Variants in RNLS observed in about 807,000 individuals in gnomAD.
The protein encoded by RNLS is renalase, FAD dependent amine oxidase, also known as renalase.
In RNLS, 39 loss-of-function variants were observed where a neutral mutation model predicts 39.8. That is an observed-to-expected ratio of 0.98 (90% confidence interval 0.76 to 1.28). RNLS has a LOEUF of 1.28. RNLS is among the 50% of genes most tolerant of loss of function. The pLI is 0.00. For synonymous variants in RNLS, 147 were observed against 150.7 expected, an observed-to-expected ratio of 0.98 and a Z score of 0.18; for missense variants, 410 against 413.3, an observed-to-expected ratio of 0.99 and a Z score of 0.07.
At chr10:88,475,595 T>C (rs1157540518) in intron 4 of RNLS, among the ~76,000 whole-genome samples, 1 of 152,174 alleles carries the variant, frequency 6.6e-6, no homozygotes, top group Admixed American at 6.6e-5. Context: ...TAATCTCACC[T>C]TCCTATGTCA....
intron 4 of RNLS, among the ~76,000 whole-genome samples, chr10:88,384,109 T>C (rs144067643): frequency 2.3e-4 from 35 of 152,322 alleles, no homozygotes; most frequent in African/African-American, 8.2e-4. Flanking sequence ...ATAATATCCT[T>C]GATTTTGACT....
intron 4 of RNLS, among the ~76,000 whole-genome samples, chr10:88,433,668 A>G (rs985867135): frequency 1.3e-5 from 2 of 152,100 alleles, no homozygotes; most frequent in African/African-American, 4.8e-5. Flanking sequence ...AATGAATGCA[A>G]TGTAATATTA....
At chr10:88,452,086 C>A (rs1302342124) in intron 4 of RNLS, among the ~76,000 whole-genome samples, 1 of 152,174 alleles carries the variant, frequency 6.6e-6, no homozygotes, top group Non-Finnish European at 1.5e-5. Context: ...GGAGGTTAAG[C>A]AATACAGTAG....
At chr10:88,574,887 T>C (rs954773959) in intron 3 of RNLS, among the ~76,000 whole-genome samples, 2 of 151,958 alleles carry the variant, frequency 1.3e-5, no homozygotes, top group Non-Finnish European at 2.9e-5. Flanking sequence ...TTTTTATTTA[T>C]TTAGGATGCC....
intron 4 of RNLS, among the ~76,000 whole-genome samples, chr10:88,428,301 C>T (rs1414411625): frequency 6.7e-6 from 1 of 150,356 alleles, no homozygotes; most frequent in African/African-American, 2.4e-5. Flanking sequence ...ATAAAGTGTC[C>T]CCCACCTCCT....
chr10:88,360,852 A>G (rs2133360218), intron 5 of RNLS, among the ~76,000 whole-genome samples: 1 of 152,330 alleles, frequency 6.6e-6, no homozygotes, highest in African/African-American at 2.4e-5. Flanking sequence ...GCAGAGAAAG[A>G]TAAAACCTAG....
At chr10:88,287,121 A>C (rs114489728) in intron 6 of RNLS, among the ~76,000 whole-genome samples, 1,730 of 152,194 alleles carry the variant, frequency 0.011, 33 homozygotes, top group African/African-American at 0.037. Context: ...AAGCAGAAAA[A>C]GTTTGCCATA....
chr10:88,306,836 A>G (rs1187244594), intron 6 of RNLS, among the ~76,000 whole-genome samples: 1 of 152,216 alleles, frequency 6.6e-6, no homozygotes, highest in Non-Finnish European at 1.5e-5. Context: ...TGAGGTCAAC[A>G]TCATCCTGAT....
chr10:88,464,344 T>C (rs1240010161), intron 4 of RNLS, among the ~76,000 whole-genome samples: 1 of 152,098 alleles, frequency 6.6e-6, no homozygotes, highest in African/African-American at 2.4e-5. Context: ...CTTCTTAGTG[T>C]ACAAGGGCAA....
chr10:88,373,391 A>G (rs948887603), intron 4 of RNLS, among the ~76,000 whole-genome samples: 1 of 152,108 alleles, frequency 6.6e-6, no homozygotes, highest in Non-Finnish European at 1.5e-5. Context: ...TTTTCTGTTT[A>G]CATAATAACA....
intron 5 of RNLS, among the ~76,000 whole-genome samples, chr10:88,349,651 A>T (rs1848539818): frequency 6.6e-6 from 1 of 152,004 alleles, no homozygotes; most frequent in South Asian, 2.1e-4. Context: ...ACAATATTCT[A>T]TTTTATAATT....
chr10:88,276,359 A>G (rs555123117), intron 6 of RNLS, among the ~76,000 whole-genome samples: 48 of 152,298 alleles, frequency 3.2e-4, no homozygotes, highest in African/African-American at 8.9e-4. Context: ...ACCTAGAAAT[A>G]GGTTAAACAT....
intron 4 of RNLS, among the ~76,000 whole-genome samples, chr10:88,401,346 C>T (rs1046711292): frequency 2.0e-5 from 3 of 151,984 alleles, no homozygotes; most frequent in South Asian, 2.1e-4. Flanking sequence ...TGTTGAAATT[C>T]GGTCCTAGAA....
At chr10:88,478,247 T>C (rs112281816) in intron 4 of RNLS, among the ~76,000 whole-genome samples, 23 of 152,312 alleles carry the variant, frequency 1.5e-4, no homozygotes, top group African/African-American at 5.1e-4. Context: ...CCCAAGTTTC[T>C]TAGGCTTGAA....
At chr10:88,335,672 A>C (rs1166563353) in intron 5 of RNLS, among the ~76,000 whole-genome samples, 2 of 152,208 alleles carry the variant, frequency 1.3e-5, no homozygotes, top group African/African-American at 4.8e-5. Flanking sequence ...AAGCAGGTGG[A>C]ATGTAGTGGT....
intron 4 of RNLS, among the ~76,000 whole-genome samples, chr10:88,571,547 T>A (rs1421240482): frequency 1.3e-5 from 2 of 152,242 alleles, no homozygotes; most frequent in African/African-American, 2.4e-5. Flanking sequence ...TCTGAGTTTC[T>A]ATGATTAAAA....
the RNLS span, among the ~76,000 whole-genome samples, chr10:88,247,822 A>C: frequency 2.6e-5 from 4 of 152,208 alleles, no homozygotes; most frequent in East Asian, 7.7e-4. Context: ...AGAGAGGCAG[A>C]AGAGTCAGTT....
intron 4 of RNLS, among the ~76,000 whole-genome samples, chr10:88,391,697 C>T (rs959387731): frequency 2.0e-5 from 3 of 151,688 alleles, no homozygotes; most frequent in Non-Finnish European, 4.4e-5. Context: ...CTCTGAAAAC[C>T]CTCTCCTCCA....
At chr10:88,301,921 C>G (rs1285014037) in intron 6 of RNLS, among the ~76,000 whole-genome samples, 1 of 152,126 alleles carries the variant, frequency 6.6e-6, no homozygotes, top group Non-Finnish European at 1.5e-5. Flanking sequence ...AAGAGAGCAA[C>G]GAACACAGAG....
Sources: gnomAD v4.1 joint callset for allele counts (sites outside exome capture counted in the v4.1 genomes callset) on GRCh38, gnomAD v4.1.1 for gene constraint, MANE v1.5 for transcripts, NCBI Gene and HGNC (gene_info 2026-07-23, HGNC 2026-07-21) for gene names.